PTPRG: variants seen among roughly 807,000 people sequenced by gnomAD.
The protein encoded by PTPRG is receptor-type tyrosine-protein phosphatase gamma.
PTPRG carries 102 observed loss-of-function variants against 165.3 expected under a neutral mutation model. The observed-to-expected ratio is 0.62, with a 90% CI of 0.53 to 0.73. The LOEUF (loss-of-function observed/expected upper bound fraction) is 0.73. Ranked by LOEUF, PTPRG falls within the 30% of genes least tolerant of loss-of-function variation. The pLI, the probability that PTPRG is intolerant of heterozygous loss-of-function variation, is 0.00. For synonymous variants in PTPRG, 675 were observed against 669.5 expected (o/e 1.01, Z -0.13); for missense variants, 1,866 against 1,861.4 (o/e 1.00, Z -0.05).
chr3:61,876,557 A>G (rs1026751581), intron 2 of PTPRG, among the ~76,000 whole-genome samples: 1 of 152,328 alleles, frequency 6.6e-6, no homozygotes, highest in Non-Finnish European at 1.5e-5. Context: ...TTCTCTCAAT[A>G]CAAACTTATT....
At chr3:62,097,884 T>C (rs1371701087) in intron 5 of PTPRG, among the ~76,000 whole-genome samples, 1 of 152,230 alleles carries the variant, frequency 6.6e-6, no homozygotes, top group Non-Finnish European at 1.5e-5. Context: ...GCACTTTCAG[T>C]GAAATGTTTT....
At chr3:62,167,942 C>T (rs199917960) in intron 7 of PTPRG, 29 bp from the exon 8 acceptor site, 29 of 1,423,594 alleles carry the variant, frequency 2.0e-5, no homozygotes, top group South Asian at 3.6e-5. Flanking sequence ...TTTTTTTTTT[C>T]CCCCTCCCCT....
chr3:61,656,088 C>T, intron 1 of PTPRG, among the ~76,000 whole-genome samples: 1 of 147,376 alleles, frequency 6.8e-6, no homozygotes, highest in East Asian at 2.1e-4. Context: ...AAAAAATAAG[C>T]TGGGCATAGT....
intron 2 of PTPRG, among the ~76,000 whole-genome samples, chr3:61,775,738 G>T (rs950857864): frequency 1.3e-5 from 2 of 152,002 alleles, no homozygotes; most frequent in South Asian, 4.1e-4. Flanking sequence ...CATGGAATAC[G>T]ATGCAGCCAT....
chr3:61,745,051 C>CTTTTTTTTTTTTTTTTTTTTT (rs10669472), intron 1 of PTPRG, among the ~76,000 whole-genome samples: 2 of 111,624 alleles, frequency 1.8e-5, no homozygotes, highest in African/African-American at 6.8e-5. Flanking sequence ...CATTCCCTCA[C>CTTTTTTTTTTTTTTTTTTTTT]TTTTTTTTTT....
chr3:61,871,757 G>C (rs2037590602), intron 2 of PTPRG, among the ~76,000 whole-genome samples: 2 of 152,186 alleles, frequency 1.3e-5, no homozygotes, highest in South Asian at 4.1e-4. Context: ...AGGGAAGCAG[G>C]ACCTGGAAAT....
At chr3:61,690,719 G>A (rs1341012531) in intron 1 of PTPRG, among the ~76,000 whole-genome samples, 1 of 152,122 alleles carries the variant, frequency 6.6e-6, no homozygotes, top group African/African-American at 2.4e-5. Context: ...TTCTGGTAGT[G>A]ACTCCTCTTC....
chr3:62,010,527 C>G (rs143903802), intron 4 of PTPRG, among the ~76,000 whole-genome samples: 54 of 152,094 alleles, frequency 3.6e-4, no homozygotes, highest in African/African-American at 1.2e-3. Flanking sequence ...TTTTCCTTTT[C>G]TATTTTGTTT....
chr3:61,785,115 C>G (rs1045271611), intron 2 of PTPRG, among the ~76,000 whole-genome samples: 1 of 152,196 alleles, frequency 6.6e-6, no homozygotes, highest in African/African-American at 2.4e-5. Flanking sequence ...GGCTGTGCTT[C>G]TAACAGGCAA....
At chr3:61,946,411 A>G (rs1361981123) in intron 2 of PTPRG, among the ~76,000 whole-genome samples, 1 of 152,230 alleles carries the variant, frequency 6.6e-6, no homozygotes, top group Non-Finnish European at 1.5e-5. Flanking sequence ...AGAAAGATTT[A>G]ATTTAGAAAT....
chr3:62,026,559 T>A (rs1482160556), intron 4 of PTPRG, among the ~76,000 whole-genome samples: 3 of 152,190 alleles, frequency 2.0e-5, no homozygotes, highest in Non-Finnish European at 2.9e-5. Flanking sequence ...CATGTAACTT[T>A]ACTTATGCAA....
intron 1 of PTPRG, among the ~76,000 whole-genome samples, chr3:61,602,786 C>G (rs1700905817): frequency 6.6e-6 from 1 of 152,132 alleles, no homozygotes; most frequent in Admixed American, 6.6e-5. Context: ...CTTGTGCCGG[C>G]TGGTGAGAAC....
chr3:61,837,826 C>G (rs554490099), intron 2 of PTPRG, among the ~76,000 whole-genome samples: 14 of 152,176 alleles, frequency 9.2e-5, no homozygotes, highest in South Asian at 2.1e-4. Context: ...CAGGAGGCTG[C>G]CAGTCAAATA....
Position 62,228,495 on chromosome 3 carries a change from C to G in PTPRG, c.2289-2730C>G, listed in dbSNP as rs950673208. ...CGCCATTGCACTCCAGCCTGGGCAA[C>G]AGAGCAAAACTCCATCTCAAAAAAA... On this transcript the variant is annotated intron_variant, in intron 13 of 29. Transcript: ENST00000474889. This position sits in a 1 kb window ranked among gnomAD's most constrained non-coding sequence, Gnocchi z 4.1. Among the ~76,000 whole-genome samples, 1 of 143,672 alleles carries G rather than the reference C, an allele frequency of 7.0e-6. No individual in the cohort carries two copies. Among genetic ancestry groups the G allele is most frequent in the Non-Finnish European group, 1.5e-5 (1 of 66,248 alleles). 94.3% of individuals were successfully genotyped at this position (143,672 alleles called of 152,430 possible). A position where few individuals can be genotyped will look rare whatever the true frequency, so the allele number is the denominator to read the frequency against.
intron 2 of PTPRG, among the ~76,000 whole-genome samples, chr3:61,847,521 G>A (rs1009389640): frequency 6.6e-6 from 1 of 152,126 alleles, no homozygotes; most frequent in African/African-American, 2.4e-5. Context: ...CAGTCTCACC[G>A]GCTGTATTTT....
At chr3:61,974,356 C>T (rs1326729143) in intron 2 of PTPRG, among the ~76,000 whole-genome samples, 1 of 151,930 alleles carries the variant, frequency 6.6e-6, no homozygotes, top group Admixed American at 6.6e-5. Context: ...GAGTTCAAGA[C>T]CAGCCTGGGC....
In PTPRG at chr3:62,213,719, G is replaced by A. The variant is rs1700424359; in HGVS notation, c.2156-5132G>A. On this transcript the variant is annotated intron_variant, in intron 12 of 29. Transcript: ENST00000474889. The surrounding 1 kb of genome is among the most constrained non-coding windows in gnomAD (Gnocchi z 4.4). ...GGCCTACAGCATGTTCTGGTCTCTGGAGGCCTAGGCATGGGGAAGTTTAGC... is the reference window on the plus strand; with the variant it reads ...GGCCTACAGCATGTTCTGGTCTCTGAAGGCCTAGGCATGGGGAAGTTTAGC... Among the ~76,000 whole-genome samples, 2 of 152,128 alleles carry A rather than the reference G, an allele frequency of 1.3e-5. No homozygotes were observed. The highest frequency in any genetic ancestry group is 2.1e-4 in the South Asian group (1 of 4,820).
At chr3:61,943,864 C>T (rs2039691671) in intron 2 of PTPRG, among the ~76,000 whole-genome samples, 1 of 152,170 alleles carries the variant, frequency 6.6e-6, no homozygotes, top group African/African-American at 2.4e-5. Context: ...GGTCATCACC[C>T]TCCCTAGTCT....
At chr3:61,936,994 T>C (rs1400956407) in intron 2 of PTPRG, among the ~76,000 whole-genome samples, 2 of 152,176 alleles carry the variant, frequency 1.3e-5, no homozygotes, top group East Asian at 3.9e-4. Flanking sequence ...ATCTTGCGAA[T>C]CAGATGACCA....
Sources: gnomAD v4.1 joint callset for allele counts (sites outside exome capture counted in the v4.1 genomes callset) on GRCh38, gnomAD v4.1.1 for gene constraint, Gnocchi (gnomAD v3.1) non-coding constraint, MANE v1.5 for transcripts, NCBI Gene and HGNC (gene_info 2026-07-23, HGNC 2026-07-21) for gene names.